Variants in MEIKIN observed in about 807,000 individuals in gnomAD.
MEIKIN encodes meiotic kinetochore factor, also known as meiosis-specific kinetochore protein.
At position 131,941,217 on chromosome 5, in the gene MEIKIN, G is replaced by A. The variant is rs139526470; in HGVS notation, c.349+1418C>T. ...GTTGTCCCCCAGGCTGGAGTGTAAT[G>A]ACACAATCTTGGCTCACTGCAACCT... On this transcript the variant is annotated intron_variant, in intron 4 of 12. Coordinates refer to ENST00000442687, the MANE Select transcript of MEIKIN (RefSeq NM_001303622.2). Among the ~76,000 whole-genome samples, 573 of 114,704 alleles carry A rather than the reference G, an allele frequency of 5.0e-3. 10 individuals are homozygous for A. Among genetic ancestry groups the A allele is most frequent in the Non-Finnish European group, 3.1e-3 (193 of 61,390 alleles). The allele number at this position is 114,704 out of a possible 152,430, so 75.3% of individuals were successfully genotyped here.
chr5:131,871,064 C>T (rs1750483009), intron 9 of MEIKIN, among the ~76,000 whole-genome samples: 1 of 152,224 alleles, frequency 6.6e-6, no homozygotes, highest in Admixed American at 6.5e-5. Context: ...CTACAGCTCC[C>T]AGCATGAGCG....
intron 11 of MEIKIN, among the ~76,000 whole-genome samples, chr5:131,825,391 T>C (rs1749593748): frequency 6.6e-6 from 1 of 152,162 alleles, no homozygotes; most frequent in Non-Finnish European, 1.5e-5. Context: ...TTACAGTTTA[T>C]TACAGCAAAA....
chr5:131,861,150 G>A (rs1750278949), intron 9 of MEIKIN, among the ~76,000 whole-genome samples: 1 of 152,004 alleles, frequency 6.6e-6, no homozygotes, highest in South Asian at 2.1e-4. Flanking sequence ...CAGCACTTTG[G>A]GAGGCCGAAG....
intron 11 of MEIKIN, among the ~76,000 whole-genome samples, chr5:131,830,401 A>T (rs1488911106): frequency 6.6e-6 from 1 of 152,248 alleles, no homozygotes; most frequent in Non-Finnish European, 1.5e-5. Context: ...TGTCTGAAAG[A>T]AAAAGATTTA....
At chr5:131,913,830 A>C (rs1284793143) in intron 7 of MEIKIN, among the ~76,000 whole-genome samples, 1 of 152,258 alleles carries the variant, frequency 6.6e-6, no homozygotes, top group Non-Finnish European at 1.5e-5. Flanking sequence ...TCCTATTAAC[A>C]TATGTAAGTT....
At chr5:131,858,424 T>C (rs1340246108) in intron 9 of MEIKIN, among the ~76,000 whole-genome samples, 7 of 152,132 alleles carry the variant, frequency 4.6e-5, no homozygotes, top group South Asian at 2.1e-4. Context: ...TTATACCATA[T>C]ACAAAAATCA....
chr5:131,867,585 G>A (rs911818902), intron 9 of MEIKIN, among the ~76,000 whole-genome samples: 7 of 152,102 alleles, frequency 4.6e-5, no homozygotes, highest in African/African-American at 1.4e-4. Flanking sequence ...TGTCAACATA[G>A]TTTTGCTTTT....
chr5:131,856,818 A>G (rs1230513470), intron 9 of MEIKIN, among the ~76,000 whole-genome samples: 4 of 151,478 alleles, frequency 2.6e-5, no homozygotes, highest in Non-Finnish European at 4.4e-5. Context: ...AATCTTCCCA[A>G]TCAGTACATA....
chr5:131,886,100 TA>T (rs1750789923), intron 8 of MEIKIN, among the ~76,000 whole-genome samples: 1 of 152,012 alleles, frequency 6.6e-6, no homozygotes, highest in African/African-American at 2.4e-5. Flanking sequence ...ACAGGTTATT[TA>T]AAAATACATA....
intron 8 of MEIKIN, among the ~76,000 whole-genome samples, chr5:131,911,189 G>A (rs1751330357): frequency 6.6e-6 from 1 of 151,934 alleles, no homozygotes; most frequent in African/African-American, 2.4e-5. Context: ...TTAATGTGTG[G>A]CATTTAGTAA....
chr5:131,901,437 CACT>C (rs1751155684), intron 8 of MEIKIN, among the ~76,000 whole-genome samples: 1 of 152,124 alleles, frequency 6.6e-6, no homozygotes, highest in African/African-American at 2.4e-5. Context: ...CCAACCCCAC[CACT>C]GTTAATACCT....
chr5:131,825,509 C>T (rs929484378), intron 11 of MEIKIN, among the ~76,000 whole-genome samples: 4 of 152,146 alleles, frequency 2.6e-5, no homozygotes, highest in African/African-American at 4.8e-5. Flanking sequence ...ATGTGCAAAG[C>T]GGAAGCTCAG....
intron 8 of MEIKIN, among the ~76,000 whole-genome samples, chr5:131,892,148 AT>A (rs1241597353): frequency 1.3e-5 from 2 of 151,848 alleles, no homozygotes; most frequent in African/African-American, 2.4e-5. Context: ...TGCCCTTAAC[AT>A]TTTTTCCTTC....
chr5:131,887,509 A>C (rs930006416), intron 8 of MEIKIN, among the ~76,000 whole-genome samples: 2 of 152,106 alleles, frequency 1.3e-5, no homozygotes, highest in Admixed American at 1.3e-4. Context: ...TTGTTTCCTG[A>C]CTTTTTCATG....
At chr5:131,871,691 G>A (rs1750503667) in intron 9 of MEIKIN, among the ~76,000 whole-genome samples, 1 of 152,198 alleles carries the variant, frequency 6.6e-6, no homozygotes, top group South Asian at 2.1e-4. Flanking sequence ...AGAATGGGTA[G>A]ACTGCCTCCT....
intron 8 of MEIKIN, among the ~76,000 whole-genome samples, chr5:131,884,516 C>A (rs575069494): frequency 9.5e-5 from 14 of 147,832 alleles, no homozygotes; most frequent in Admixed American, 2.7e-4. Flanking sequence ...CCCTTGGGCC[C>A]TAAATAACCA....
At chr5:131,909,785 A>G (rs1343149220) in intron 8 of MEIKIN, among the ~76,000 whole-genome samples, 1 of 152,226 alleles carries the variant, frequency 6.6e-6, no homozygotes, top group Admixed American at 6.5e-5. Context: ...TTCTCAAAAG[A>G]AGACATACAA....
intron 11 of MEIKIN, among the ~76,000 whole-genome samples, chr5:131,823,321 T>C (rs550188098): frequency 6.6e-6 from 1 of 152,156 alleles, no homozygotes; most frequent in Non-Finnish European, 1.5e-5. Context: ...CCAATAACTC[T>C]TGGGTTTGCC....
chr5:131,916,376 T>C (rs1003452403), intron 7 of MEIKIN, among the ~76,000 whole-genome samples: 2 of 152,228 alleles, frequency 1.3e-5, no homozygotes, highest in African/African-American at 4.8e-5. Flanking sequence ...TACTCTCTTC[T>C]CACTCTACAT....
Sources: gnomAD v4.1 joint callset for allele counts (sites outside exome capture counted in the v4.1 genomes callset) on GRCh38, gnomAD v4.1.1 for gene constraint, MANE v1.5 for transcripts, NCBI Gene and HGNC (gene_info 2026-07-23, HGNC 2026-07-21) for gene names.